LAMB3: variants seen among roughly 807,000 people sequenced by gnomAD.
LAMB3 encodes the protein laminin subunit beta 3.
In LAMB3, 104 loss-of-function variants were observed where a neutral mutation model predicts 140.3. The observed-to-expected ratio is 0.74, with a 90% CI of 0.63 to 0.87. LAMB3 has a LOEUF of 0.87. Among genes scored for constraint, LAMB3 ranks in the 40% least tolerant of loss-of-function variants. The pLI, the probability that LAMB3 is intolerant of heterozygous loss-of-function variation, is 0.00. For missense variants in LAMB3, 1,531 were observed against 1,575.2 expected (o/e 0.97, Z 0.47); for synonymous variants, 592 against 602.9 (o/e 0.98, Z 0.26).
chr1:209,643,390 G>A (rs1455047144), intron 3 of LAMB3, among the ~76,000 whole-genome samples: 1 of 152,220 alleles, frequency 6.6e-6, no homozygotes, highest in Non-Finnish European at 1.5e-5. Flanking sequence ...TCTCCTGGCT[G>A]CATTACCTCA....
intron 3 of LAMB3, among the ~76,000 whole-genome samples, chr1:209,644,023 C>T (rs1301403685): frequency 1.3e-5 from 2 of 152,164 alleles, no homozygotes; most frequent in African/African-American, 4.8e-5. Flanking sequence ...AGACATTCCC[C>T]AGATGCTATC....
At chr1:209,646,944 G>A (rs916296966) in intron 3 of LAMB3, among the ~76,000 whole-genome samples, 8 of 152,222 alleles carry the variant, frequency 5.3e-5, no homozygotes, top group African/African-American at 1.7e-4. Flanking sequence ...GGGAATAATA[G>A]TGCAGTGAGT....
At chr1:209,629,382 T>C (rs1571816349) in intron 10 of LAMB3, among the ~76,000 whole-genome samples, 1 of 152,242 alleles carries the variant, frequency 6.6e-6, no homozygotes, top group Non-Finnish European at 1.5e-5. Context: ...GGCAATCATA[T>C]ACATACGGAA....
chr1:209,627,239 C>A (rs1337007012), intron 12 of LAMB3, 144 bp downstream of exon 12: 2 of 724,752 alleles, frequency 2.8e-6, no homozygotes, highest in Admixed American at 5.0e-5. Context: ...CATCTGGTGA[C>A]TTCCCCAAAT....
chr1:209,630,844 G>C, intron 8 of LAMB3, 109 bp from the exon 9 acceptor site: 1 of 1,280,666 alleles, frequency 7.8e-7, no homozygotes, highest in South Asian at 1.2e-5. Flanking sequence ...ATCTGGCTTA[G>C]ATCCCAACCC....
chr1:209,651,185 C>G, intron 1 of LAMB3: 1 of 565,134 alleles, frequency 1.8e-6, no homozygotes. Context: ...ATGTGACTCA[C>G]AGGGTGCCCT....
chr1:209,618,340 AG>A lies in LAMB3; in HGVS notation c.2909+111del, dbSNP rs373317542. On this transcript the variant is annotated intron_variant, in intron 19 of 22. Coordinates refer to ENST00000356082, the MANE Select transcript of LAMB3 (RefSeq NM_000228.3). ...CTGTGTACCACTCTCCACCATGGTA[AG>A]CACCCCCTCCTGTCTCCCAGCCCTC... The A allele has an allele frequency of 4.3e-4, 464 of 1,089,638 alleles. 7 individuals are homozygous for A. The East Asian group carries it at 9.4e-3, about 22-fold the overall frequency. 67.5% of individuals were successfully genotyped at this position (1,089,638 alleles called of 1,614,324 possible).
At chr1:209,617,340 C>A (rs1666004139) in intron 21 of LAMB3, 70 bp downstream of exon 21, 16 of 1,510,732 alleles carry the variant, frequency 1.1e-5, no homozygotes, top group Admixed American at 1.7e-5. Context: ...ATAAAGTGTG[C>A]AAAGTCCTCC....
intron 10 of LAMB3, among the ~76,000 whole-genome samples, chr1:209,629,079 CA>C (rs1172713447): frequency 6.6e-6 from 1 of 152,188 alleles, no homozygotes; most frequent in East Asian, 1.9e-4. Flanking sequence ...TCAGACCTTT[CA>C]AAATGTAAGA....
chr1:209,625,736 T>C lies in LAMB3; in HGVS notation c.1888A>G (p.Lys630Glu), dbSNP rs747071130. Residue 630 changes from lysine to glutamate, a missense_variant, in exon 14 of 23, where the codon AAG (lysine) becomes GAG (glutamate). Coordinates refer to ENST00000356082, the MANE Select transcript of LAMB3 (RefSeq NM_000228.3). ...AGAACTGCTCGGATCTGCTCAATCT[T>C]ACTCTTTGCATCTAGGATCCGGGAG... Reference protein sequence around the residue: ...LASRILDAKSKIEQIRAVLSS... With the variant: ...LASRILDAKSEIEQIRAVLSS... 6 of 1,614,016 alleles carry C rather than the reference T, an allele frequency of 3.7e-6. No homozygotes were observed. In the African/African-American group the frequency reaches 5.3e-5, roughly 14 times the overall value.
intron 21 of LAMB3, 81 bp downstream of exon 21, chr1:209,617,329 T>C (rs1666004037): frequency 6.9e-7 from 1 of 1,453,470 alleles, no homozygotes; most frequent in Non-Finnish European, 9.6e-7. Context: ...TTTGTGGTCT[T>C]ATAAAGTGTG....
In LAMB3 at chr1:209,629,909, C is replaced by T. The variant is rs1666616667; in HGVS notation, c.960G>A (p.Gly320=). ...GGTCAAAGTGACATGTCTCTGAGTGCCCATTGCAGTCGCACCCTGGAAAAA... is the reference window on the plus strand; with the variant it reads ...GGTCAAAGTGACATGTCTCTGAGTGTCCATTGCAGTCGCACCCTGGAAAAA... The part of the protein sequence containing the change: ...AHECQRCDCN[G]HSETCHFDPA... The change falls in exon 10 of 23, where the codon GGG becomes GGA. Residue 320 remains glycine, a synonymous_variant. Transcript: ENST00000356082. The T allele has an allele frequency of 1.9e-6, 3 of 1,614,168 alleles. No homozygotes were observed. In the South Asian group the frequency reaches 3.3e-5, roughly 18 times the overall value.
At chr1:209,634,211 T>A (rs1571823521) in intron 6 of LAMB3, among the ~76,000 whole-genome samples, 1 of 151,892 alleles carries the variant, frequency 6.6e-6, no homozygotes. Context: ...ACGGCAGGGG[T>A]GAGTAATGCG....
In LAMB3 at chr1:209,621,102, C is replaced by T. The variant is rs1368216832; in HGVS notation, c.2701+1434G>A. ...AGAGGACAAAAGGGGCCTGGCAGCT[C>T]CCTGTCTGTTCACATGAGCCTCAGC... On this transcript the variant is annotated intron_variant, in intron 18 of 22. Coordinates refer to ENST00000356082, the MANE Select transcript of LAMB3 (RefSeq NM_000228.3). Among the ~76,000 whole-genome samples, 16 of 152,226 alleles carry T rather than the reference C, an allele frequency of 1.1e-4. 1 individual carries two copies. The highest frequency in any genetic ancestry group is 9.2e-4 in the Admixed American group (14 of 15,282).
chr1:209,639,469 C>A (rs953753516), intron 3 of LAMB3, among the ~76,000 whole-genome samples: 1 of 152,214 alleles, frequency 6.6e-6, no homozygotes, highest in African/African-American at 2.4e-5. Flanking sequence ...CACCAATAAC[C>A]TGGCCTACGC....
At chr1:209,651,215 C>T in intron 1 of LAMB3, 2 of 518,800 alleles carry the variant, frequency 3.9e-6, no homozygotes, top group Non-Finnish European at 7.0e-6. Context: ...CCATCCCTTC[C>T]CAGACTCCAG....
In LAMB3 at chr1:209,622,697, T is replaced by C. The variant is rs201960727; in HGVS notation, c.2557-17A>G. 11 of 1,614,060 alleles carry C rather than the reference T, an allele frequency of 6.8e-6. No homozygotes were observed. The highest frequency in any genetic ancestry group is 5.0e-5 in the Admixed American group (3 of 60,012). ...TGCCCTAATCTGTTGACATACACTC[T>C]AGGTCAGAAGGGGTAAGGCCCCAAG... On this transcript the variant is annotated splice_polypyrimidine_tract_variant and intron_variant, in intron 17 of 22. Coordinates refer to ENST00000356082, the MANE Select transcript of LAMB3 (RefSeq NM_000228.3).
intron 3 of LAMB3, among the ~76,000 whole-genome samples, chr1:209,645,155 A>G (rs572395739): frequency 2.0e-5 from 3 of 152,196 alleles, no homozygotes; most frequent in East Asian, 1.9e-4. Context: ...ATTTTTCCCT[A>G]CAATGTCCCT....
At chr1:209,636,655 C>T (rs113013340) in intron 5 of LAMB3, among the ~76,000 whole-genome samples, 2,873 of 152,280 alleles carry the variant, frequency 0.019, 87 homozygotes, top group African/African-American at 0.066. Context: ...GCCCCCAACC[C>T]CAGTCATATA....
Sources: allele counts gnomAD v4.1 joint callset (sites outside exome capture counted in the v4.1 genomes callset), GRCh38; gene constraint gnomAD v4.1.1; transcripts MANE v1.5; gene names NCBI Gene and HGNC (gene_info 2026-07-23, HGNC 2026-07-21).